The following PARP8 variants were observed in gnomAD, a reference collection of about 807,000 sequenced individuals.
PARP8 encodes the protein poly(ADP-ribose) polymerase family member 8, also known as protein mono-ADP-ribosyltransferase PARP8.
PARP8 carries 51 observed loss-of-function variants against 124.1 expected under a neutral mutation model. The observed-to-expected ratio is 0.41, with a 90% CI of 0.33 to 0.52. The LOEUF (loss-of-function observed/expected upper bound fraction) is 0.52. Among genes scored for constraint, PARP8 ranks in the 20% least tolerant of loss-of-function variants. PARP8 has a pLI of 0.21. For synonymous variants in PARP8, 391 were observed against 361.5 expected (o/e 1.08, Z -0.93); for missense variants, 860 against 1,018.9 (o/e 0.84, Z 2.12).
At chr5:50,800,194 T>A (rs1472322042) in intron 14 of PARP8, among the ~76,000 whole-genome samples, 2 of 152,234 alleles carry the variant, frequency 1.3e-5, no homozygotes, top group Non-Finnish European at 2.9e-5. Flanking sequence ...TTATTTTTGA[T>A]GTTACTGTAA....
intron 5 of PARP8, 97 bp downstream of exon 5, chr5:50,760,459 A>T: frequency 1.0e-6 from 1 of 958,718 alleles, no homozygotes; most frequent in Non-Finnish European, 1.4e-6. Context: ...TGAGACTAAA[A>T]TGGTATATGG....
chr5:50,788,639 T>A (rs755191461), intron 10 of PARP8, 50 bp downstream of exon 10: 19 of 1,469,684 alleles, frequency 1.3e-5, no homozygotes, highest in Admixed American at 3.6e-5. Context: ...GAGAACTGAG[T>A]TCTCATTTTG....
chr5:50,791,087 A>G (rs1169196292), intron 10 of PARP8, among the ~76,000 whole-genome samples: 4 of 152,194 alleles, frequency 2.6e-5, no homozygotes, highest in African/African-American at 7.2e-5. Flanking sequence ...CAAATTTAGA[A>G]TCTAGGCCCC....
chr5:50,814,782 A>G (rs551648320), intron 14 of PARP8, among the ~76,000 whole-genome samples: 3 of 152,134 alleles, frequency 2.0e-5, no homozygotes, highest in Non-Finnish European at 4.4e-5. Flanking sequence ...AATGCAATGT[A>G]ACTTGGGAGA....
chr5:50,713,594 A>C lies in PARP8; in HGVS notation c.147-36557A>C, dbSNP rs35195162. ...ATTTTTTCATTAATCTGATAATATA[A>C]TGTGGTAGACAGAATAATGGCCACC... is the stretch of plus-strand genomic sequence containing the variant. On this transcript the variant is annotated intron_variant, in intron 2 of 25. Transcript: ENST00000281631. Among the ~76,000 whole-genome samples, 727 of 152,138 alleles carry C rather than the reference A, an allele frequency of 4.8e-3. 17 individuals carry two copies. In the East Asian group the frequency reaches 0.081, roughly 17 times the overall value.
intron 14 of PARP8, among the ~76,000 whole-genome samples, chr5:50,803,801 C>A (rs973416541): frequency 2.0e-5 from 3 of 152,118 alleles, no homozygotes; most frequent in Non-Finnish European, 4.4e-5. Context: ...TTTCCTTGGG[C>A]CCCTTCCTAT....
chr5:50,828,448 C>T, intron 21 of PARP8, 64 bp downstream of exon 21: 2 of 1,441,074 alleles, frequency 1.4e-6, no homozygotes, highest in South Asian at 1.2e-5. Context: ...CAGTAAGCAA[C>T]CCTGTTGTTA....
intron 2 of PARP8, among the ~76,000 whole-genome samples, chr5:50,710,307 T>A (rs559018970): frequency 6.6e-6 from 1 of 152,090 alleles, no homozygotes; most frequent in South Asian, 2.1e-4. Flanking sequence ...TATAAATTGA[T>A]TGTTTTTGTA....
chr5:50,790,653 T>C (rs1741847496), intron 10 of PARP8, among the ~76,000 whole-genome samples: 1 of 152,208 alleles, frequency 6.6e-6, no homozygotes, highest in Non-Finnish European at 1.5e-5. Flanking sequence ...TAGTGGCTTC[T>C]GGGTACATTA....
chr5:50,830,655 T>G (rs1418272507), intron 22 of PARP8, among the ~76,000 whole-genome samples: 4 of 152,258 alleles, frequency 2.6e-5, no homozygotes, highest in Non-Finnish European at 4.4e-5. Context: ...AAAATAATTA[T>G]GCTCATTGTA....
At chr5:50,761,543 A>T (rs780523541) in intron 5 of PARP8, among the ~76,000 whole-genome samples, 1 of 152,084 alleles carries the variant, frequency 6.6e-6, no homozygotes, top group Non-Finnish European at 1.5e-5. Context: ...TGAAGGTATA[A>T]TTGATTATAC....
intron 2 of PARP8, among the ~76,000 whole-genome samples, chr5:50,675,600 A>G (rs879809362): frequency 7.2e-5 from 11 of 152,246 alleles, no homozygotes; most frequent in Non-Finnish European, 1.5e-4. Context: ...TGAGCCAGCC[A>G]TGGCGCCCGG....
At chr5:50,778,291 C>T (rs902490439) in intron 8 of PARP8, among the ~76,000 whole-genome samples, 162 bp downstream of exon 8, 13 of 152,118 alleles carry the variant, frequency 8.5e-5, no homozygotes, top group Admixed American at 2.6e-4. Flanking sequence ...AAAGAAGCAG[C>T]GATTTTGTAA....
intron 9 of PARP8, among the ~76,000 whole-genome samples, chr5:50,779,381 TG>T (rs1318029128): frequency 6.6e-6 from 1 of 152,144 alleles, no homozygotes; most frequent in Non-Finnish European, 1.5e-5. Flanking sequence ...CAGTTATGTG[TG>T]GGTGGGGCTG....
At chr5:50,755,131 G>T (rs1045799089) in intron 3 of PARP8, among the ~76,000 whole-genome samples, 1 of 152,130 alleles carries the variant, frequency 6.6e-6, no homozygotes, top group Non-Finnish European at 1.5e-5. Context: ...TCTGTAGGCT[G>T]CCTGTTCACT....
At chr5:50,715,291 A>G (rs1452508941) in intron 2 of PARP8, among the ~76,000 whole-genome samples, 1 of 152,118 alleles carries the variant, frequency 6.6e-6, no homozygotes, top group Non-Finnish European at 1.5e-5. Context: ...GCAGGAGGCA[A>G]AATGCTCCTC....
At chr5:50,709,350 T>C (rs1754484158) in intron 2 of PARP8, among the ~76,000 whole-genome samples, 1 of 152,064 alleles carries the variant, frequency 6.6e-6, no homozygotes, top group Admixed American at 6.6e-5. Context: ...TCTTTTTCTT[T>C]TGAAAATGCT....
Position 50,826,794 on chromosome 5 carries a change from A to G in PARP8, c.1968A>G (p.Pro656=). Residue 656 remains proline (P), a synonymous_variant, in exon 19 of 26, where the codon CCA becomes CCG. Coordinates refer to ENST00000281631, the MANE Select transcript of PARP8 (RefSeq NM_024615.4). ...ATAGATCACATATTGTGAAACTGCC[A>G]GTTAACAGGGTAAGTTGTTTTTTTT... is the stretch of plus-strand genomic sequence containing the variant. The part of the protein sequence containing the change: ...SSNRSHIVKL[P]VNRQLKFMHT... 1 of 1,587,314 alleles carries G rather than the reference A, an allele frequency of 6.3e-7. No individual in the cohort carries two copies. The highest frequency in any genetic ancestry group is 1.2e-5 in the South Asian group (1 of 84,564).
chr5:50,829,804 G>A (rs1023357130), intron 21 of PARP8, 88 bp from the exon 22 acceptor site: 2 of 1,273,532 alleles, frequency 1.6e-6, no homozygotes, highest in Non-Finnish European at 2.1e-6. Context: ...AAGACTGAAT[G>A]TTCTGACATG....
Sources: allele counts gnomAD v4.1 joint callset (sites outside exome capture counted in the v4.1 genomes callset), GRCh38; gene constraint gnomAD v4.1.1; transcripts MANE v1.5; gene names NCBI Gene and HGNC (gene_info 2026-07-23, HGNC 2026-07-21).